The following PRKCA variants were observed in gnomAD, a reference collection of about 807,000 sequenced individuals.
PRKCA encodes the protein protein kinase C alpha type.
A neutral mutation model predicts 87.0 loss-of-function variants in PRKCA; 27 were observed. The ratio of observed to expected loss-of-function variants is 0.31; its 90% CI spans 0.23 to 0.43. The LOEUF is 0.43. Among genes scored for constraint, PRKCA ranks in the 20% least tolerant of loss-of-function variants. The probability of loss-of-function intolerance (pLI) is 1.00; values close to 1 mark genes in which losing one functional copy is unlikely to be tolerated. For missense variants in PRKCA, 518 were observed against 852.3 expected, an observed-to-expected ratio of 0.61 and a Z score of 4.88; for synonymous variants, 329 against 311.1, an observed-to-expected ratio of 1.06 and a Z score of -0.61.
intron 11 of PRKCA, among the ~76,000 whole-genome samples, chr17:66,739,612 G>A (rs1426343295): frequency 2.0e-5 from 3 of 152,168 alleles, no homozygotes; most frequent in Non-Finnish European, 2.9e-5. Flanking sequence ...CCTAAAAATC[G>A]GGGAGAGGGA....
chr17:66,775,401 T>C (rs1975024672), intron 14 of PRKCA: 3 of 984,086 alleles, frequency 3.0e-6, no homozygotes, highest in Non-Finnish European at 3.6e-6. Context: ...CTGCCTAGGT[T>C]CCACTGGCCA....
At chr17:66,418,259 A>C (rs1461172413) in intron 2 of PRKCA, among the ~76,000 whole-genome samples, 1 of 152,192 alleles carries the variant, frequency 6.6e-6, no homozygotes, top group Non-Finnish European at 1.5e-5. Flanking sequence ...TAGTAAATGT[A>C]TATATGCATA....
intron 3 of PRKCA, among the ~76,000 whole-genome samples, chr17:66,522,441 G>A (rs141506129): frequency 4.3e-4 from 66 of 152,286 alleles, no homozygotes; most frequent in African/African-American, 1.5e-3. Flanking sequence ...ATAGGCAGGG[G>A]GAAGAGGGGA....
rs1971937383 is a variant in PRKCA at position 66,662,601 on chromosome 17, G to T, written c.529+17090G>T. On this transcript the variant is annotated intron_variant, in intron 5 of 16. Transcript: ENST00000413366. ...GGTAGTCTAAGGTGTTGACGGACTG[G>T]CCCAGAGAGAGATCTCAAAGCTAGT... is the stretch of plus-strand genomic sequence containing the variant. Among the ~76,000 whole-genome samples the T allele has an allele frequency of 3.3e-5, 5 of 152,020 alleles. No individual in the cohort carries two copies. In the South Asian group the frequency reaches 1.0e-3, roughly 32 times the overall value.
At chr17:66,508,288 A>T (rs552391266) in intron 3 of PRKCA, among the ~76,000 whole-genome samples, 22 of 152,220 alleles carry the variant, frequency 1.4e-4, no homozygotes, top group Non-Finnish European at 2.4e-4. Flanking sequence ...ATAATCTAGC[A>T]CATTCCAAAA....
chr17:66,511,823 G>C (rs954286092), intron 3 of PRKCA, among the ~76,000 whole-genome samples: 1 of 151,962 alleles, frequency 6.6e-6, no homozygotes, highest in Non-Finnish European at 1.5e-5. Flanking sequence ...TGGGATTACA[G>C]GTGCACACCA....
At chr17:66,355,123 A>C (rs1313652011) in intron 2 of PRKCA, among the ~76,000 whole-genome samples, 2 of 152,220 alleles carry the variant, frequency 1.3e-5, no homozygotes, top group African/African-American at 4.8e-5. Flanking sequence ...TGCTAACAAT[A>C]ATCTCCACAT....
chr17:66,767,501 G>C (rs371745842), intron 13 of PRKCA, among the ~76,000 whole-genome samples: 1 of 152,136 alleles, frequency 6.6e-6, no homozygotes, highest in African/African-American at 2.4e-5. Context: ...ACTTGGTCAG[G>C]ACAGGATTTG....
chr17:66,596,044 T>C (rs1969965508), intron 3 of PRKCA, among the ~76,000 whole-genome samples: 1 of 152,144 alleles, frequency 6.6e-6, no homozygotes, highest in African/African-American at 2.4e-5. Context: ...CCTCCTTTCA[T>C]TCCCAGGGAC....
At chr17:66,553,383 GGTAGGTA>G in intron 3 of PRKCA, among the ~76,000 whole-genome samples, 1 of 152,244 alleles carries the variant, frequency 6.6e-6, no homozygotes, top group South Asian at 2.1e-4. Flanking sequence ...AAAGATCTTT[GGTAGGTA>G]GTTTCCTTCC....
At chr17:66,440,294 A>G (rs1913664681) in intron 2 of PRKCA, among the ~76,000 whole-genome samples, 1 of 152,254 alleles carries the variant, frequency 6.6e-6, no homozygotes, top group Admixed American at 6.5e-5. Context: ...CAGGACGGAA[A>G]GGACTCCTGA....
intron 5 of PRKCA, among the ~76,000 whole-genome samples, chr17:66,648,182 T>G (rs1169156885): frequency 6.6e-6 from 1 of 152,204 alleles, no homozygotes; most frequent in Non-Finnish European, 1.5e-5. Flanking sequence ...ACTTGCTCCC[T>G]GTCATCTCTT....
chr17:66,570,286 C>G (rs1043848223), intron 3 of PRKCA, among the ~76,000 whole-genome samples: 1 of 152,098 alleles, frequency 6.6e-6, no homozygotes, highest in Non-Finnish European at 1.5e-5. Flanking sequence ...TGACGATGGA[C>G]GGGTTTGTGG....
chr17:66,334,517 C>T (rs1310003687), intron 2 of PRKCA, among the ~76,000 whole-genome samples: 6 of 152,216 alleles, frequency 3.9e-5, no homozygotes, highest in Admixed American at 2.0e-4. Flanking sequence ...CCAATAAGCA[C>T]GTGAGGAGAT....
intron 8 of PRKCA, among the ~76,000 whole-genome samples, chr17:66,701,892 G>A (rs1367781798): frequency 4.6e-5 from 7 of 152,102 alleles, no homozygotes; most frequent in Non-Finnish European, 1.0e-4. Flanking sequence ...CAGTTATGGA[G>A]AGACAGTATG....
At chr17:66,664,903 G>A (rs930737882) in intron 5 of PRKCA, among the ~76,000 whole-genome samples, 3 of 152,024 alleles carry the variant, frequency 2.0e-5, no homozygotes, top group Non-Finnish European at 4.4e-5. Flanking sequence ...GTCTACCAAA[G>A]TGATGGGATT....
intron 2 of PRKCA, among the ~76,000 whole-genome samples, chr17:66,452,409 A>G (rs1039051793): frequency 6.6e-6 from 1 of 152,232 alleles, no homozygotes; most frequent in African/African-American, 2.4e-5. Context: ...TAACAGGAAG[A>G]CAGAACTAGG....
intron 2 of PRKCA, among the ~76,000 whole-genome samples, chr17:66,342,445 AATAATAATAATAAT>A (rs1907098553): frequency 8.2e-5 from 1 of 12,222 alleles, no homozygotes; most frequent in African/African-American, 7.4e-4. Flanking sequence ...TAAAATAAAT[AATAATAATAATAAT>A]AATAATAATA....
chr17:66,628,453 A>G (rs1970917699), intron 3 of PRKCA, among the ~76,000 whole-genome samples: 1 of 152,118 alleles, frequency 6.6e-6, no homozygotes, highest in South Asian at 2.1e-4. Context: ...GTTTAACATA[A>G]ACTGTTAGAT....
Sources: allele counts gnomAD v4.1 joint callset (sites outside exome capture counted in the v4.1 genomes callset), GRCh38; gene constraint gnomAD v4.1.1; transcripts MANE v1.5; gene names NCBI Gene and HGNC (gene_info 2026-07-23, HGNC 2026-07-21).